Variants in ZNF101 observed in about 807,000 individuals in gnomAD.
ZNF101 encodes the protein zinc finger protein 101 (Y2).
A neutral mutation model predicts 42.6 loss-of-function variants in ZNF101; 34 were observed. That is an observed-to-expected ratio of 0.80 (90% CI 0.61 to 1.06). The LOEUF (loss-of-function observed/expected upper bound fraction) is 1.06. ZNF101 is among the 50% of genes least tolerant of loss of function. ZNF101 has a pLI of 0.00. For missense variants in ZNF101, 466 were observed against 530.9 expected, an observed-to-expected ratio of 0.88 and a Z score of 1.20; for synonymous variants, 158 against 183.9, an observed-to-expected ratio of 0.86 and a Z score of 1.14.
At chr19:19,672,114 ATATT>A (rs1409409790) in intron 1 of ZNF101, 1 of 148,140 alleles carries the variant, frequency 6.8e-6, no homozygotes, top group Non-Finnish European at 1.5e-5. Flanking sequence ...GATTATATAT[ATATT>A]TATAAGTTGT....
Position 19,683,082 on chromosome 19 carries a change from G to C in ZNF101, c.*2782G>C, listed in dbSNP as rs1329496093. On this transcript the variant is annotated 3_prime_UTR_variant, in exon 4 of 4. Coordinates refer to ENST00000592502, the MANE Select transcript of ZNF101 (RefSeq NM_033204.4). ...GGCCTCCCAAAGTGCTGAGATTACA[G>C]GAGTGAGCCACTGCGACCGGCCCAT... 6.6e-6 allele frequency: 1 copy of C among 152,232 alleles called. No homozygotes were observed. The highest frequency in any genetic ancestry group is 1.5e-5 in the Non-Finnish European group (1 of 68,054). 9.4% of individuals were successfully genotyped at this position (152,232 alleles called of 1,614,324 possible). A position where few individuals can be genotyped will look rare whatever the true frequency, so the allele number is the denominator to read the frequency against.
chr19:19,677,301 A>G (rs937671943), intron 1 of ZNF101: 4 of 152,642 alleles, frequency 2.6e-5, no homozygotes, highest in Non-Finnish European at 4.4e-5. Flanking sequence ...CTAGTGCCCT[A>G]GGCACCACTT....
intron 1 of ZNF101, among the ~76,000 whole-genome samples, chr19:19,669,175 C>T (rs893608702): frequency 6.6e-6 from 1 of 152,242 alleles, no homozygotes; most frequent in Non-Finnish European, 1.5e-5. Context: ...GGAGCCCTCT[C>T]AGGGCAGCTC....
intron 1 of ZNF101, chr19:19,672,179 A>C (rs533675613): frequency 1.1e-4 from 16 of 148,962 alleles, no homozygotes; most frequent in Admixed American, 4.7e-4. Flanking sequence ...TATATTTATA[A>C]ATTTATTTAT....
intron 3 of ZNF101, 116 bp from the exon 4 acceptor site, chr19:19,679,065 A>G (rs2062219993): frequency 1.4e-6 from 2 of 1,471,868 alleles, no homozygotes; most frequent in Non-Finnish European, 1.8e-6. Context: ...ATTCTGACCC[A>G]GGAGAAAACC....
At chr19:19,668,265 T>C (rs1025184817), upstream of ZNF101, among the ~76,000 whole-genome samples, 3 of 152,050 alleles carry the variant, frequency 2.0e-5, no homozygotes, top group African/African-American at 7.2e-5. Context: ...CAGCCCCGCT[T>C]ACAGACTACA....
Position 19,680,318 on chromosome 19 carries a change from TAAG to T in ZNF101, c.*22_*24del, listed in dbSNP as rs2062232842. ...GAGTTTGAGACCAGCCTGGGCAACA[TAAG>T]AAGGCCCCATATCGGCTGGGTACGG... is the stretch of plus-strand genomic sequence containing the variant. On this transcript the variant is annotated 3_prime_UTR_variant, in exon 4 of 4. Transcript: ENST00000592502. The T allele has an allele frequency of 2.9e-6, 4 of 1,387,230 alleles. No individual in the cohort carries two copies. The African/African-American group carries it at 4.4e-5, about 15-fold the overall frequency. The allele number at this position is 1,387,230 out of a possible 1,614,324, so 85.9% of individuals were successfully genotyped here.
chr19:19,672,529 G>T (rs1036733453), intron 1 of ZNF101, among the ~76,000 whole-genome samples: 2 of 149,466 alleles, frequency 1.3e-5, no homozygotes, highest in African/African-American at 4.9e-5. Flanking sequence ...ATGCATTTTA[G>T]AACGGGCTTT....
intron 1 of ZNF101, chr19:19,672,106 TTATATA>T (rs1322281258): frequency 6.8e-6 from 1 of 147,970 alleles, no homozygotes; most frequent in African/African-American, 2.5e-5. Context: ...ATATGTATGA[TTATATA>T]TATATTTATA....
chr19:19,679,786 G>T lies in ZNF101; in HGVS notation c.797G>T (p.Gly266Val). Residue 266 changes from glycine to valine, a missense_variant, in exon 4 of 4, where the codon GGT becomes GTT. Physicochemically the swap from Gly to Val is moderately radical, Grantham distance 109. Coordinates refer to ENST00000592502, the MANE Select transcript of ZNF101 (RefSeq NM_033204.4). ...KQCGKAFISA[G>V]YLRTHEIRSH... ...TGTGGTAAAGCCTTCATTTCCGCAG[G>T]TTACCTTCGGACACATGAAATCAGA... is the stretch of plus-strand genomic sequence containing the variant. 1 of 1,612,996 alleles carries T rather than the reference G, an allele frequency of 6.2e-7. No individual in the cohort carries two copies. Among genetic ancestry groups the T allele is most frequent in the Non-Finnish European group, 8.5e-7 (1 of 1,179,414 alleles).
chr19:19,671,898 A>G (rs1194800009), intron 1 of ZNF101, among the ~76,000 whole-genome samples: 1 of 151,856 alleles, frequency 6.6e-6, no homozygotes, highest in African/African-American at 2.4e-5. Flanking sequence ...CTTTTCTAAA[A>G]ATTGACTTCA....
rs2062150317 is a variant in ZNF101 at position 19,668,861 on chromosome 19, C to A, written c.-103C>A. 7.0e-7 allele frequency: 1 copy of A among 1,435,932 alleles called. No homozygotes were observed. Among genetic ancestry groups the A allele is most frequent in the Non-Finnish European group, 9.3e-7 (1 of 1,071,638 alleles). The allele number at this position is 1,435,932 out of a possible 1,614,324, so 88.9% of individuals were successfully genotyped here. A position where few individuals can be genotyped will look rare whatever the true frequency, so the allele number is the denominator to read the frequency against. ...CCCATTCGGGTCCGGGTTTTAGTTC[C>A]TCGGGGAGCCCCTGGTGCCCCGGAT... On this transcript the variant is annotated 5_prime_UTR_variant, in exon 1 of 4. Coordinates refer to ENST00000592502, the MANE Select transcript of ZNF101 (RefSeq NM_033204.4).
At chr19:19,673,687 C>CTTTTTTTT (rs573395742) in intron 1 of ZNF101, among the ~76,000 whole-genome samples, 16 of 82,868 alleles carry the variant, frequency 1.9e-4, no homozygotes, top group Admixed American at 4.3e-4. Flanking sequence ...GCGTTCAATT[C>CTTTTTTTT]TTTTTTTTTT....
chr19:19,679,191 G>T lies in ZNF101; in HGVS notation c.202G>T (p.Glu68Ter). 1 of 1,612,800 alleles carries T rather than the reference G, an allele frequency of 6.2e-7. No homozygotes were observed. Among genetic ancestry groups the T allele is most frequent in the Non-Finnish European group, 8.5e-7 (1 of 1,178,866 alleles). The change falls in exon 4 of 4, where the codon GAG (glutamate) becomes TAG (stop). Residue 68 changes from glutamate to a stop codon, truncating the protein, a stop_gained. Coordinates refer to ENST00000592502, the MANE Select transcript of ZNF101 (RefSeq NM_033204.4). LOFTEE classifies it high-confidence loss of function. ...NLGIKLRSLVERLCGRKEGNE... is the reference protein window; with the variant it reads ...NLGIKLRSLV Reference sequence around the variant, plus strand: ...TGTCATTTTTCATAGAAGTCTGGTGGAGAGACTCTGTGGACGTAAAGAAGG... The same window carrying T: ...TGTCATTTTTCATAGAAGTCTGGTGTAGAGACTCTGTGGACGTAAAGAAGG...
In ZNF101 at chr19:19,679,987, C is replaced by G. The variant is rs1288447025; in HGVS notation, c.998C>G (p.Thr333Ser). The G allele has an allele frequency of 6.2e-7, 1 of 1,613,806 alleles. No homozygotes were observed. Among genetic ancestry groups the G allele is most frequent in the African/African-American group, 1.3e-5 (1 of 74,862 alleles). ...CTTCAAGCACATGAAAGAGCTCACA[C>G]TGGAGAAAGACCTTATGAATGTAAT... ...TSLQAHERAH[T>S]GERPYECNKC... Residue 333 changes from threonine to serine, a missense_variant, in exon 4 of 4, where the codon ACT becomes AGT. Thr to Ser is a moderately conservative substitution (Grantham distance 58). Coordinates refer to ENST00000592502, the MANE Select transcript of ZNF101 (RefSeq NM_033204.4).
upstream of ZNF101, chr19:19,668,805 AG>A (rs2062149261): frequency 1.1e-6 from 1 of 903,830 alleles, no homozygotes; most frequent in African/African-American, 1.7e-5. Flanking sequence ...CAACTTCCAA[AG>A]CCCGAAGCGG....
intron 1 of ZNF101, chr19:19,676,353 A>G (rs1397108298): frequency 1.3e-5 from 2 of 152,012 alleles, no homozygotes; most frequent in African/African-American, 2.4e-5. Flanking sequence ...CCTGACCTCA[A>G]GTGGTCCACC....
At chr19:19,669,929 G>A (rs1018091866) in intron 1 of ZNF101, among the ~76,000 whole-genome samples, 1 of 151,956 alleles carries the variant, frequency 6.6e-6, no homozygotes, top group African/African-American at 2.4e-5. Flanking sequence ...AAAAATCACT[G>A]TGCCTGCCCT....
chr19:19,679,771 C>G lies in ZNF101; in HGVS notation c.782C>G (p.Ala261Gly), dbSNP rs1345215650. The change falls in exon 4 of 4, where the codon GCC (alanine) becomes GGC (glycine). Residue 261 changes from alanine to glycine, a missense_variant. Transcript: ENST00000592502. ...TACAAATGTAAACAATGTGGTAAAG[C>G]CTTCATTTCCGCAGGTTACCTTCGG... ...KPYKCKQCGK[A>G]FISAGYLRTH... The G allele has an allele frequency of 3.1e-6, 5 of 1,613,232 alleles. No homozygotes were observed. The highest frequency in any genetic ancestry group is 3.4e-6 in the Non-Finnish European group (4 of 1,179,560).
Sources: allele counts gnomAD v4.1 joint callset (sites outside exome capture counted in the v4.1 genomes callset), GRCh38; gene constraint gnomAD v4.1.1; transcripts MANE v1.5; gene names NCBI Gene and HGNC (gene_info 2026-07-23, HGNC 2026-07-21).